KIF21B: variants seen among roughly 807,000 people sequenced by gnomAD.
KIF21B encodes kinesin family member 21B.
A neutral mutation model predicts 192.9 loss-of-function variants in KIF21B; 85 were observed. The ratio of observed to expected loss-of-function variants is 0.44; its 90% CI spans 0.37 to 0.53. The LOEUF is 0.53. KIF21B is among the 20% of genes least tolerant of loss of function. The pLI, the probability that KIF21B is intolerant of heterozygous loss-of-function variation, is 0.00. For missense variants in KIF21B, 1,716 were observed against 2,194.8 expected (o/e 0.78, Z 4.36); for synonymous variants, 832 against 884.6 (o/e 0.94, Z 1.05).
chr1:201,004,743 C>A, intron 6 of KIF21B, 23 bp downstream of exon 6: 1 of 1,613,910 alleles, frequency 6.2e-7, no homozygotes, highest in Admixed American at 1.7e-5. Flanking sequence ...GGTGCTGGGG[C>A]TGATGACCCA....
In KIF21B at chr1:200,988,897, C is replaced by A; in HGVS notation, c.3167G>T (p.Arg1056Leu). 1.2e-6 allele frequency: 2 copies of A among 1,612,444 alleles called. No homozygotes were observed. The highest frequency in any genetic ancestry group is 1.7e-6 in the Non-Finnish European group (2 of 1,179,314). Reference protein sequence around the residue: ...LQVAQKEAQIRLLEGRLRQTD... With the variant: ...LQVAQKEAQILLLEGRLRQTD... ...CTGCCTCAGTCGGCCCTCCAACAGC[C>A]GGATCTGGGCTTCCTTTTGTGCCAC... The change falls in exon 22 of 35, where the codon CGG (arginine) becomes CTG (leucine). Residue 1056 changes from arginine (R) to leucine (L), a missense_variant. Physicochemically the swap from Arg to Leu is moderately radical, Grantham distance 102 (BLOSUM62 -2). Transcript: ENST00000461742.
rs369294616 is a variant in KIF21B, at chr1:200,980,949, G to A, written c.3979+11C>T. On this transcript the variant is annotated intron_variant, in intron 29 of 34. Transcript: ENST00000461742. Reference sequence around the variant, plus strand: ...CCCCAACCCTACCTGGCTAGTTGGCGTTCCACATACCTTTGGACCCTGTGA... The same window carrying A: ...CCCCAACCCTACCTGGCTAGTTGGCATTCCACATACCTTTGGACCCTGTGA... The A allele has an allele frequency of 8.7e-6, 14 of 1,606,544 alleles. No homozygotes were observed. Among genetic ancestry groups the A allele is most frequent in the African/African-American group, 2.7e-5 (2 of 74,524 alleles).
Position 200,999,568 on chromosome 1 carries a change from G to A in KIF21B, c.1768-102C>T. ...TGCCTCAGGTGTGTCAGGAGGGTGG[G>A]GATTGGGGCAGGCCACAGCTGAGCC... On this transcript the variant is annotated intron_variant, in intron 12 of 34. Coordinates refer to ENST00000461742, the MANE Select transcript of KIF21B (RefSeq NM_001252102.2). The surrounding 1 kb of genome is among the most constrained non-coding windows in gnomAD (Gnocchi z 4.7). The A allele has an allele frequency of 1.3e-6, 2 of 1,548,916 alleles. No individual in the cohort carries two copies. Among genetic ancestry groups the A allele is most frequent in the Non-Finnish European group, 1.7e-6 (2 of 1,150,014 alleles).
intron 15 of KIF21B, among the ~76,000 whole-genome samples, chr1:200,993,780 A>AG (rs1452703157): frequency 7.5e-6 from 1 of 133,544 alleles, no homozygotes; most frequent in Non-Finnish European, 1.5e-5. Context: ...AAAAAAAAAA[A>AG]GAGAGAGAAA....
chr1:200,984,994 C>A, intron 26 of KIF21B, 22 bp from the exon 27 acceptor site: 7 of 1,577,600 alleles, frequency 4.4e-6, no homozygotes, highest in Non-Finnish European at 6.1e-6. Flanking sequence ...GGACAGAGGG[C>A]AGCCTGTTAG....
intron 14 of KIF21B, among the ~76,000 whole-genome samples, chr1:200,997,003 C>A (rs185101814): frequency 6.6e-6 from 1 of 152,190 alleles, no homozygotes; most frequent in Non-Finnish European, 1.5e-5. Context: ...ATCAACAAAG[C>A]CTTCTGGCTC....
intron 34 of KIF21B, 79 bp downstream of exon 34, chr1:200,974,635 C>T (rs1029150635): frequency 5.4e-6 from 8 of 1,480,280 alleles, no homozygotes; most frequent in Non-Finnish European, 5.6e-6. Context: ...ACTGCAGGGC[C>T]CTGAGCCTCC....
rs1656642176 is a variant in KIF21B at position 200,990,904 on chromosome 1, C to T, written c.2687+13G>A. 6.2e-7 allele frequency: 1 copy of T among 1,613,858 alleles called. No homozygotes were observed. Among genetic ancestry groups the T allele is most frequent in the African/African-American group, 1.3e-5 (1 of 74,946 alleles). On this transcript the variant is annotated intron_variant, in intron 18 of 34. Coordinates refer to ENST00000461742, the MANE Select transcript of KIF21B (RefSeq NM_001252102.2). The surrounding 1 kb of genome is among the most constrained non-coding windows in gnomAD (Gnocchi z 5.4). ...CTGCCTGCACAGGCCAGGGGACTGC[C>T]AGTCCACCTTACCGGGCAGGACGGG...
At chr1:200,984,768 G>C (rs1008405683) in intron 27 of KIF21B, 91 bp downstream of exon 27, 1 of 956,692 alleles carries the variant, frequency 1.0e-6, no homozygotes. Flanking sequence ...GGTTGGCTTG[G>C]CCACCTGAGC....
At chr1:201,006,719 C>G (rs1340992040) in intron 3 of KIF21B, among the ~76,000 whole-genome samples, 2 of 151,462 alleles carry the variant, frequency 1.3e-5, no homozygotes, top group East Asian at 3.9e-4. Context: ...AGGGAAGGGA[C>G]AAAAACAAAG....
rs765377421 is a variant in KIF21B at position 201,000,463 on chromosome 1, AGGCATCCTCCAT to A, written c.1600_1611del (p.Met534_Ala537del). On this transcript the variant is annotated inframe_deletion, in exon 11 of 35. Coordinates refer to ENST00000461742, the MANE Select transcript of KIF21B (RefSeq NM_001252102.2). This position sits in a 1 kb window ranked among gnomAD's most constrained non-coding sequence, Gnocchi z 6.0. ...TGCTTGGCCCTGCGGATCACCTCCG[AGGCATCCTCCAT>A]GGAGCTGGCAGGGCTGCCCCCGAAG... is the stretch of plus-strand genomic sequence containing the variant. 1.3e-6 allele frequency: 2 copies of A among 1,598,046 alleles called. No individual in the cohort carries two copies. Among genetic ancestry groups the A allele is most frequent in the Non-Finnish European group, 1.7e-6 (2 of 1,172,564 alleles).
chr1:200,990,103 C>T lies in KIF21B; in HGVS notation c.3030+35G>A, dbSNP rs753475120. On this transcript the variant is annotated intron_variant, in intron 20 of 34. Transcript: ENST00000461742. The surrounding 1 kb of genome is among the most constrained non-coding windows in gnomAD (Gnocchi z 5.4). ...GGCTACCCCTGCCACCCATCTCTCC[C>T]GCCTCCGCCCCAGCAGGCCCAGCCC... 3.0e-5 allele frequency: 48 copies of T among 1,610,164 alleles called. No individual in the cohort carries two copies. The Middle Eastern group carries it at 4.9e-4, about 17-fold the overall frequency.
At chr1:200,983,655 G>A (rs16847465) in intron 27 of KIF21B, among the ~76,000 whole-genome samples, 39,087 of 152,092 alleles carry the variant, frequency 0.26, 6,011 homozygotes, top group African/African-American at 0.43. Context: ...CTGGACCATT[G>A]GACAAGACCA....
At position 200,998,245 on chromosome 1, in the gene KIF21B, A is replaced by T; in HGVS notation, c.2077+139T>A. The T allele has an allele frequency of 1.3e-6, 1 of 754,160 alleles. No homozygotes were observed. The highest frequency in any genetic ancestry group is 2.2e-6 in the Non-Finnish European group (1 of 457,558). The allele number at this position is 754,160 out of a possible 1,614,324, so 46.7% of individuals were successfully genotyped here. On this transcript the variant is annotated intron_variant, in intron 14 of 34. Coordinates refer to ENST00000461742, the MANE Select transcript of KIF21B (RefSeq NM_001252102.2). The surrounding 1 kb of genome is among the most constrained non-coding windows in gnomAD (Gnocchi z 4.3). The stretch of plus-strand genomic sequence containing the variant: ...GTAAGAACCTTTAACTGTGGGTCAA[A>T]GGACCACAGTCAAAGGTTGGGAAGT...
In KIF21B at chr1:200,970,080, C is replaced by T. The variant is rs1201327362; in HGVS notation, c.*3441G>A. On this transcript the variant is annotated 3_prime_UTR_variant, in exon 35 of 35. Transcript: ENST00000461742. ...AACACGATGGTGAACAGACCAGGCA[C>T]AGGCAACAACCAGGGGATATGCCTG... 6.5e-6 allele frequency: 1 copy of T among 152,756 alleles called. No homozygotes were observed. Among genetic ancestry groups the T allele is most frequent in the East Asian group, 1.9e-4 (1 of 5,344 alleles). 9.5% of individuals were successfully genotyped at this position (152,756 alleles called of 1,614,324 possible). A position where few individuals can be genotyped will look rare whatever the true frequency, so the allele number is the denominator to read the frequency against.
intron 15 of KIF21B, among the ~76,000 whole-genome samples, chr1:200,994,324 C>T (rs943570190): frequency 7.9e-5 from 12 of 152,198 alleles, no homozygotes; most frequent in Admixed American, 2.0e-4. Context: ...TTCTGTGAAT[C>T]GCTGGGGCCC....
rs771634893 is a variant in KIF21B at position 201,002,298 on chromosome 1, C to T, written c.1265G>A (p.Arg422Gln). 39 of 1,614,106 alleles carry T rather than the reference C, an allele frequency of 2.4e-5. No homozygotes were observed. In the East Asian group the frequency reaches 2.9e-4, roughly 12 times the overall value. ...DGAEGYSDLF[R>Q]ENAMLQKENG... is the part of the protein sequence containing the mutation. ...CTCCTTCTGTAGCATGGCATTCTCT[C>T]GGAACAGATCACTATAGCCCTCAGC... Residue 422 changes from arginine (R) to glutamine (Q), a missense_variant, in exon 9 of 35, where the codon CGA (arginine) becomes CAA (glutamine). By Grantham distance (43) the Arg-to-Gln change is conservative (BLOSUM62 1). Transcript: ENST00000461742.
Position 200,979,730 on chromosome 1 carries a change from A to G in KIF21B, c.3980-15T>C, listed in dbSNP as rs762813515. The G allele has an allele frequency of 4.0e-6, 6 of 1,495,466 alleles. No homozygotes were observed. Among genetic ancestry groups the G allele is most frequent in the Non-Finnish European group, 4.5e-6 (5 of 1,115,966 alleles). The allele number at this position is 1,495,466 out of a possible 1,614,324, so 92.6% of individuals were successfully genotyped here. ...GCAGCTTCGGTCTGTGAGAGATGGG[A>G]GGAAGCCACAGGGAGGGGAGGGATG... On this transcript the variant is annotated splice_polypyrimidine_tract_variant and intron_variant, in intron 29 of 34. Coordinates refer to ENST00000461742, the MANE Select transcript of KIF21B (RefSeq NM_001252102.2).
rs1348581247 is a variant in KIF21B at position 201,009,384 on chromosome 1, G to T, written c.146C>A (p.Thr49Asn). Residue 49 changes from threonine (T) to asparagine (N), a missense_variant, in exon 2 of 35, where the codon ACC becomes AAC. Physicochemically the swap from Thr to Asn is moderately conservative, Grantham distance 65. Coordinates refer to ENST00000461742, the MANE Select transcript of KIF21B (RefSeq NM_001252102.2). ...GTCCAGGTCGAAGACAAAGTCATAG[G>T]TGAAGGCCTTGTCCTTCCCCAGCAG... ...QVLLGKDKAF[T>N]YDFVFDLDTW... 1.9e-6 allele frequency: 3 copies of T among 1,614,266 alleles called. No homozygotes were observed. The highest frequency in any genetic ancestry group is 2.5e-6 in the Non-Finnish European group (3 of 1,180,044).
Sources: gnomAD v4.1 joint callset for allele counts (sites outside exome capture counted in the v4.1 genomes callset) on GRCh38, gnomAD v4.1.1 for gene constraint, Gnocchi (gnomAD v3.1) non-coding constraint, MANE v1.5 for transcripts, NCBI Gene and HGNC (gene_info 2026-07-23, HGNC 2026-07-21) for gene names.